PID1: variants seen among roughly 807,000 people sequenced by gnomAD.
The protein encoded by PID1 is phosphotyrosine interaction domain containing 1, also known as PTB-containing, cubilin and LRP1-interacting protein.
A neutral mutation model predicts 19.1 loss-of-function variants in PID1; 10 were observed. That is an observed-to-expected ratio of 0.52 (90% CI 0.32 to 0.89). PID1 has a LOEUF of 0.89. Among genes scored for constraint, PID1 ranks in the 40% least tolerant of loss-of-function variants. PID1 has a pLI of 0.03. For missense variants in PID1, 248 were observed against 285.3 expected, an observed-to-expected ratio of 0.87 and a Z score of 0.94; for synonymous variants, 130 against 116.0, an observed-to-expected ratio of 1.12 and a Z score of -0.78.
chr2:229,148,870 G>C (rs1379677845), intron 2 of PID1, among the ~76,000 whole-genome samples: 1 of 151,964 alleles, frequency 6.6e-6, no homozygotes, highest in African/African-American at 2.4e-5. Flanking sequence ...AACAACAAAG[G>C]TTAGCTCATA....
intron 2 of PID1, among the ~76,000 whole-genome samples, chr2:229,037,065 A>G (rs1392871343): frequency 1.3e-5 from 2 of 152,190 alleles, no homozygotes; most frequent in Non-Finnish European, 1.5e-5. Flanking sequence ...TTTATAAAGT[A>G]CACAATCTCT....
chr2:229,198,181 C>A (rs1476518293), intron 1 of PID1, among the ~76,000 whole-genome samples: 1 of 151,978 alleles, frequency 6.6e-6, no homozygotes, highest in Non-Finnish European at 1.5e-5. Context: ...TTGTCTTTCC[C>A]GTTGTACTAG....
chr2:229,270,236 T>G (rs771545335), intron 1 of PID1, among the ~76,000 whole-genome samples: 3 of 152,250 alleles, frequency 2.0e-5, no homozygotes, highest in Non-Finnish European at 2.9e-5. Context: ...TGACAATATT[T>G]GCCAGCAAAA....
Position 229,162,210 on chromosome 2 carries a change from C to T in PID1, c.31-6246G>A, listed in dbSNP as rs114821585. On this transcript the variant is annotated intron_variant, in intron 1 of 2. Transcript: ENST00000392055. ...CCAAAATAGAGCCTCTAAATCAAGC[C>T]CCATTATGCAGACGGGGTAATCGCC... Among the ~76,000 whole-genome samples the T allele has an allele frequency of 7.7e-3, 1,174 of 152,238 alleles. 13 individuals carry two copies. The highest frequency in any genetic ancestry group is 0.026 in the African/African-American group (1,070 of 41,542).
intron 2 of PID1, among the ~76,000 whole-genome samples, chr2:229,111,772 G>C (rs1695302825): frequency 6.6e-6 from 1 of 152,168 alleles, no homozygotes; most frequent in Non-Finnish European, 1.5e-5. Context: ...GCGAAGTAAA[G>C]TGGATTTAAA....
chr2:229,046,884 T>C (rs919890800), intron 2 of PID1, among the ~76,000 whole-genome samples: 11 of 152,234 alleles, frequency 7.2e-5, no homozygotes, highest in African/African-American at 2.7e-4. Context: ...TGACTGCACA[T>C]GAACCTTCAA....
chr2:229,218,417 T>C (rs1691895976), intron 1 of PID1, among the ~76,000 whole-genome samples: 1 of 152,086 alleles, frequency 6.6e-6, no homozygotes, highest in South Asian at 2.1e-4. Context: ...ACTGTCAAGT[T>C]GCACAAGTCG....
chr2:229,108,390 T>C (rs894375310), intron 2 of PID1, among the ~76,000 whole-genome samples: 2 of 152,122 alleles, frequency 1.3e-5, no homozygotes, highest in East Asian at 1.9e-4. Flanking sequence ...ATGACACCAA[T>C]GCATGGGGGA....
intron 2 of PID1, among the ~76,000 whole-genome samples, chr2:229,102,113 G>T (rs1337010178): frequency 6.6e-6 from 1 of 152,052 alleles, no homozygotes; most frequent in Non-Finnish European, 1.5e-5. Flanking sequence ...GCAAGGCAAG[G>T]ACACAGATTC....
intron 1 of PID1, among the ~76,000 whole-genome samples, chr2:229,180,545 G>T (rs1690918136): frequency 6.6e-6 from 1 of 152,156 alleles, no homozygotes; most frequent in Non-Finnish European, 1.5e-5. Context: ...GGAAATGGAG[G>T]TTTCCATGAT....
At chr2:229,214,094 G>T (rs1211533307) in intron 1 of PID1, among the ~76,000 whole-genome samples, 5 of 152,168 alleles carry the variant, frequency 3.3e-5, no homozygotes, top group African/African-American at 1.2e-4. Context: ...ATATAATCAG[G>T]ACTGTGTTCC....
intron 2 of PID1, among the ~76,000 whole-genome samples, chr2:229,092,605 T>C (rs1436886807): frequency 6.6e-6 from 1 of 152,172 alleles, no homozygotes; most frequent in Non-Finnish European, 1.5e-5. Flanking sequence ...CCAACAGCTC[T>C]GTCAATTAAC....
At chr2:229,155,298 G>A (rs1029872587) in intron 2 of PID1, among the ~76,000 whole-genome samples, 4 of 152,106 alleles carry the variant, frequency 2.6e-5, no homozygotes, top group African/African-American at 9.7e-5. Flanking sequence ...CGGGCTTGGT[G>A]GCTCACATCT....
In PID1 at chr2:229,243,856, A is replaced by G. The variant is rs181625504; in HGVS notation, c.30+27158T>C. Among the ~76,000 whole-genome samples, 241 of 152,274 alleles carry G rather than the reference A, an allele frequency of 1.6e-3. 1 individual carries two copies. Among genetic ancestry groups the G allele is most frequent in the Middle Eastern group, 0.01 (3 of 294 alleles). ...TTACATCTACACCATTCAAAGCCCA[A>G]TTTAGTAACTCTCAGCTTTTCCTAG... On this transcript the variant is annotated intron_variant, in intron 1 of 2. Coordinates refer to ENST00000392055, the MANE Select transcript of PID1 (RefSeq NM_001100818.2).
chr2:229,137,126 A>G (rs1689872357), intron 2 of PID1, among the ~76,000 whole-genome samples: 1 of 152,222 alleles, frequency 6.6e-6, no homozygotes. Flanking sequence ...CTTTAATCAC[A>G]AAATCTCTGC....
chr2:229,242,451 A>G (rs1317850786), intron 1 of PID1, among the ~76,000 whole-genome samples: 1 of 152,082 alleles, frequency 6.6e-6, no homozygotes, highest in African/African-American at 2.4e-5. Context: ...TTCGACTGGT[A>G]AAACTGGCTG....
At chr2:229,265,223 T>G (rs1432390380) in intron 1 of PID1, among the ~76,000 whole-genome samples, 1 of 152,144 alleles carries the variant, frequency 6.6e-6, no homozygotes, top group Non-Finnish European at 1.5e-5. Flanking sequence ...CTTATCAAAG[T>G]AAGAACTCGG....
chr2:229,073,756 T>G (rs1231991261), intron 2 of PID1, among the ~76,000 whole-genome samples: 2 of 152,252 alleles, frequency 1.3e-5, no homozygotes, highest in Non-Finnish European at 2.9e-5. Flanking sequence ...AGTTGGTGAA[T>G]ACATTTTTCT....
At chr2:229,189,755 C>A (rs1039547788) in intron 1 of PID1, among the ~76,000 whole-genome samples, 1 of 152,094 alleles carries the variant, frequency 6.6e-6, no homozygotes, top group Non-Finnish European at 1.5e-5. Context: ...TAATCCATAA[C>A]GCAGAACAGT....
Sources: allele counts gnomAD v4.1 joint callset (sites outside exome capture counted in the v4.1 genomes callset), GRCh38; gene constraint gnomAD v4.1.1; transcripts MANE v1.5; gene names NCBI Gene and HGNC (gene_info 2026-07-23, HGNC 2026-07-21).